The following TRAP1 variants were observed in gnomAD, a reference collection of about 807,000 sequenced individuals.
The protein encoded by TRAP1 is TNF receptor associated protein 1, also known as heat shock protein 75 kDa, mitochondrial.
A neutral mutation model predicts 89.1 loss-of-function variants in TRAP1; 102 were observed. That is an observed-to-expected ratio of 1.15 (90% CI 0.98 to 1.35). TRAP1 has a LOEUF of 1.35. Ranked by LOEUF, TRAP1 falls within the 40% of genes most tolerant of loss-of-function variation. The pLI is 0.00. For synonymous variants in TRAP1, 508 were observed against 388.0 expected (o/e 1.31, Z -3.64); for missense variants, 1,256 against 945.3 (o/e 1.33, Z -4.31).
chr16:3,660,903 G>A (rs924648780), intron 16 of TRAP1: 1 of 152,072 alleles, frequency 6.6e-6, no homozygotes, highest in Non-Finnish European at 1.5e-5. Context: ...CAACCTGGGG[G>A]ACAGAGTGAG....
chr16:3,672,940 G>T (rs560165248), intron 9 of TRAP1, 120 bp from the exon 10 acceptor site: 1 of 1,401,824 alleles, frequency 7.1e-7, no homozygotes, highest in Admixed American at 2.6e-5. Flanking sequence ...CTCCCCCAGC[G>T]TCTGCTCTGA....
intron 5 of TRAP1, 24 bp downstream of exon 5, chr16:3,679,695 G>T (rs1461482826): frequency 6.2e-7 from 1 of 1,613,262 alleles, no homozygotes; most frequent in Admixed American, 1.7e-5. Context: ...GAAGGGGGAG[G>T]CTGTGTGGGG....
intron 9 of TRAP1, among the ~76,000 whole-genome samples, chr16:3,673,707 A>C (rs765661998): frequency 1.3e-5 from 2 of 152,130 alleles, no homozygotes; most frequent in Non-Finnish European, 2.9e-5. Flanking sequence ...GGACATTAGG[A>C]GAGTTTCCAG....
intron 11 of TRAP1, among the ~76,000 whole-genome samples, chr16:3,666,515 C>CA (rs2050832948): frequency 6.6e-6 from 1 of 151,678 alleles, no homozygotes; most frequent in Non-Finnish European, 1.5e-5. Flanking sequence ...TGAACAACCT[C>CA]ATGTTCAAGA....
intron 6 of TRAP1, among the ~76,000 whole-genome samples, chr16:3,677,116 G>C (rs2051008754): frequency 6.6e-6 from 1 of 151,966 alleles, no homozygotes; most frequent in Admixed American, 6.5e-5. Flanking sequence ...GCAGAAGTGG[G>C]CTGGGGAGAC....
In TRAP1 at chr16:3,689,037, G is replaced by C; in HGVS notation, c.330+18C>G. On this transcript the variant is annotated intron_variant, in intron 3 of 17. Coordinates refer to ENST00000246957, the MANE Select transcript of TRAP1 (RefSeq NM_016292.3). Reference sequence around the variant, plus strand: ...AAGAAACTTTGCTAGCATCGGGCATGGTTAGCAGGGAACGCACCTCTTTTT... The same window carrying C: ...AAGAAACTTTGCTAGCATCGGGCATCGTTAGCAGGGAACGCACCTCTTTTT... 1.3e-6 allele frequency: 2 copies of C among 1,599,954 alleles called. No homozygotes were observed. The highest frequency in any genetic ancestry group is 1.7e-6 in the Non-Finnish European group (2 of 1,173,014).
In TRAP1 at chr16:3,662,078, C is replaced by G; in HGVS notation, c.1849G>C (p.Ala617Pro). 1 of 1,613,196 alleles carries G rather than the reference C, an allele frequency of 6.2e-7. No homozygotes were observed. Among genetic ancestry groups the G allele is most frequent in the Non-Finnish European group, 8.5e-7 (1 of 1,179,906 alleles). ...PAMVTVLEMG[A>P]ARHFLRMQQL... ...TGCATGCGCAGGAAGTGGCGGGCAGCCCCCATCTCCAGCACGGTGACCATG... is the reference window on the plus strand; with the variant it reads ...TGCATGCGCAGGAAGTGGCGGGCAGGCCCCATCTCCAGCACGGTGACCATG... Residue 617 changes from alanine to proline, a missense_variant, in exon 16 of 18, where the codon GCT becomes CCT. Ala to Pro is a conservative substitution (Grantham distance 27, BLOSUM62 -1). Coordinates refer to ENST00000246957, the MANE Select transcript of TRAP1 (RefSeq NM_016292.3).
At chr16:3,677,706 A>G in intron 5 of TRAP1, 48 bp from the exon 6 acceptor site, 3 of 1,590,832 alleles carry the variant, frequency 1.9e-6, no homozygotes, top group Non-Finnish European at 2.6e-6. Context: ...TCCAGAGAGC[A>G]GACACTCCCA....
At chr16:3,658,764 C>T (rs751932526) in intron 17 of TRAP1, 29 bp downstream of exon 17, 1 of 1,606,306 alleles carries the variant, frequency 6.2e-7, no homozygotes, top group South Asian at 1.1e-5. Flanking sequence ...GCCTGGGTCC[C>T]TGCAGTCATC....
chr16:3,661,275 A>AAGAT (rs1480288259), intron 16 of TRAP1: 1 of 152,332 alleles, frequency 6.6e-6, no homozygotes, highest in South Asian at 2.1e-4. Context: ...AGAAACTCAA[A>AAGAT]AGATACCTAA....
intron 1 of TRAP1, among the ~76,000 whole-genome samples, chr16:3,701,569 T>C (rs78442466): frequency 8.9e-6 from 1 of 112,702 alleles, no homozygotes; most frequent in Non-Finnish European, 1.9e-5. Flanking sequence ...AAAAAAAAAA[T>C]AGCCAGACAG....
At chr16:3,695,580 C>A (rs944749722) in intron 1 of TRAP1, among the ~76,000 whole-genome samples, 1 of 150,814 alleles carries the variant, frequency 6.6e-6, no homozygotes, top group Non-Finnish European at 1.5e-5. Context: ...AAAAAGAAAC[C>A]GTGAAAACAA....
chr16:3,682,896 C>T (rs368309308), intron 4 of TRAP1, among the ~76,000 whole-genome samples: 1 of 151,922 alleles, frequency 6.6e-6, no homozygotes, highest in Non-Finnish European at 1.5e-5. Flanking sequence ...AGGCTGGGTG[C>T]GGTAGCTCAT....
chr16:3,675,482 G>T, intron 7 of TRAP1, 85 bp from the exon 8 acceptor site: 1 of 1,369,190 alleles, frequency 7.3e-7, no homozygotes, highest in Non-Finnish European at 1.0e-6. Flanking sequence ...ATGAGCGCCA[G>T]CCTGCTGGGA....
chr16:3,684,666 C>T (rs1382535394), intron 4 of TRAP1, among the ~76,000 whole-genome samples: 1 of 151,986 alleles, frequency 6.6e-6, no homozygotes, highest in East Asian at 1.9e-4. Flanking sequence ...GGCACACATC[C>T]GTAATCCCAG....
Position 3,686,005 on chromosome 16 carries a change from G to C in TRAP1, c.462C>G (p.Ile154Met). The part of the protein sequence containing the change: ...HLQTNAEKGT[I>M]TIQDTGIGMT... Reference sequence around the variant, plus strand: ...ACACTGAGGGAGGTACCTGGATGGTGATGGTGCCTTTCTCGGCATTGGTCT... The same window carrying C: ...ACACTGAGGGAGGTACCTGGATGGTCATGGTGCCTTTCTCGGCATTGGTCT... Residue 154 changes from isoleucine (I) to methionine (M), a missense_variant, in exon 4 of 18, where the codon ATC becomes ATG. By Grantham distance (10) the Ile-to-Met change is conservative. Coordinates refer to ENST00000246957, the MANE Select transcript of TRAP1 (RefSeq NM_016292.3). The C allele has an allele frequency of 6.2e-7, 1 of 1,613,968 alleles. No individual in the cohort carries two copies. The highest frequency in any genetic ancestry group is 1.7e-4 in the Middle Eastern group (1 of 6,026).
chr16:3,700,234 C>A (rs956930091), intron 1 of TRAP1, among the ~76,000 whole-genome samples: 1 of 151,872 alleles, frequency 6.6e-6, no homozygotes, highest in Non-Finnish European at 1.5e-5. Flanking sequence ...ATGGCGCGAT[C>A]TCAGCTCACC....
intron 1 of TRAP1, among the ~76,000 whole-genome samples, chr16:3,711,812 T>A (rs2051535606): frequency 6.6e-6 from 1 of 152,288 alleles, no homozygotes; most frequent in African/African-American, 2.4e-5. Context: ...CTTTGTGGAC[T>A]AAGAGCAGCT....
chr16:3,706,008 T>A (rs2051439430), intron 1 of TRAP1, among the ~76,000 whole-genome samples: 1 of 151,130 alleles, frequency 6.6e-6, no homozygotes, highest in South Asian at 2.1e-4. Flanking sequence ...TTTCTTTTTT[T>A]TTTTTTGAGA....
Sources: allele counts gnomAD v4.1 joint callset (sites outside exome capture counted in the v4.1 genomes callset), GRCh38; gene constraint gnomAD v4.1.1; transcripts MANE v1.5; gene names NCBI Gene and HGNC (gene_info 2026-07-23, HGNC 2026-07-21).